C18orf32: variants seen among roughly 807,000 people sequenced by gnomAD.
C18orf32 encodes the protein UPF0729 protein C18orf32.
A neutral mutation model predicts 7.4 loss-of-function variants in C18orf32; 5 were observed. The observed-to-expected ratio is 0.68, with a 90% confidence interval of 0.35 to 1.42. The LOEUF (loss-of-function observed/expected upper bound fraction) is 1.42. Among genes scored for constraint, C18orf32 ranks in the 40% most tolerant of loss-of-function variants. C18orf32 has a pLI of 0.04. For missense variants in C18orf32, 88 were observed against 92.4 expected (o/e 0.95, Z 0.19); for synonymous variants, 30 against 29.3 (o/e 1.02, Z -0.08).
chr18:49,485,655 A>G (rs982199702), intron 1 of C18orf32, among the ~76,000 whole-genome samples: 1 of 151,414 alleles, frequency 6.6e-6, no homozygotes, highest in Non-Finnish European at 1.5e-5. Flanking sequence ...TGCTCAGGCT[A>G]AAGTGCAGTG....
intron 1 of C18orf32, among the ~76,000 whole-genome samples, chr18:49,484,201 C>CACAT (rs56983810): frequency 1.7e-5 from 2 of 117,836 alleles, no homozygotes; most frequent in African/African-American, 6.8e-5. Context: ...CACACACACA[C>CACAT]GAAAGGACTA....
At chr18:49,484,136 G>GAAAAAAA (rs61290557) in intron 1 of C18orf32, among the ~76,000 whole-genome samples, 1 of 45,588 alleles carries the variant, frequency 2.2e-5, no homozygotes, top group South Asian at 1.1e-3. Context: ...CTCAAAAAAA[G>GAAAAAAA]AAAAAAAAAA....
chr18:49,484,165 TATACACAC>T (rs1377448206), intron 1 of C18orf32, among the ~76,000 whole-genome samples: 28 of 88,078 alleles, frequency 3.2e-4, no homozygotes, highest in South Asian at 1.7e-3. Flanking sequence ...TATATATATA[TATACACAC>T]ACACACACAC....
In C18orf32 at chr18:49,480,727, T is replaced by A. The variant is rs2083653624; in HGVS notation, c.*1618A>T. The A allele has an allele frequency of 1.3e-5, 2 of 152,260 alleles. No homozygotes were observed. The highest frequency in any genetic ancestry group is 4.8e-5 in the African/African-American group (2 of 41,472). The allele number at this position is 152,260 out of a possible 1,614,324, so 9.4% of individuals were successfully genotyped here. A position where few individuals can be genotyped will look rare whatever the true frequency, so the allele number is the denominator to read the frequency against. On this transcript the variant is annotated 3_prime_UTR_variant, in exon 3 of 3. Coordinates refer to ENST00000318240, the MANE Select transcript of C18orf32 (RefSeq NM_001035005.4). ...TCGAGGCCATAGAGAGCCGTGATCA[T>A]GCTGCTGCACTCCAGCTTGAGTGAC...
chr18:49,481,250 G>A lies in C18orf32; in HGVS notation c.*1095C>T, dbSNP rs1387712906. On this transcript the variant is annotated 3_prime_UTR_variant, in exon 3 of 3. Coordinates refer to ENST00000318240, the MANE Select transcript of C18orf32 (RefSeq NM_001035005.4). ...TTGACCAGCCACAGAACTTAATAGA[G>A]CCTGAGTTAGGACCCAGACTTCATT... 7.9e-6 allele frequency: 1 copy of A among 126,144 alleles called. No individual in the cohort carries two copies. Among genetic ancestry groups the A allele is most frequent in the East Asian group, 2.4e-4 (1 of 4,110 alleles). The allele number at this position is 126,144 out of a possible 1,614,324, so 7.8% of individuals were successfully genotyped here.
At position 49,483,625 on chromosome 18, in the gene C18orf32, G is replaced by C; in HGVS notation, c.124C>G (p.Gln42Glu). 1 of 1,609,636 alleles carries C rather than the reference G, an allele frequency of 6.2e-7. No homozygotes were observed. Among genetic ancestry groups the C allele is most frequent in the Non-Finnish European group, 8.5e-7 (1 of 1,179,080 alleles). The part of the protein sequence containing the change: ...VSRIWPKKAI[Q>E]ESNDTNKGKV... ...CCTTTGTTTGTATCATTGGATTCTT[G>C]TATTGCTTTCTTAGGCCATATACGA... Residue 42 changes from glutamine to glutamate, a missense_variant, in exon 2 of 3, where the codon CAA becomes GAA. By Grantham distance (29) the Gln-to-Glu change is conservative (BLOSUM62 2). Coordinates refer to ENST00000318240, the MANE Select transcript of C18orf32 (RefSeq NM_001035005.4).
At position 49,479,457 on chromosome 18, in the gene C18orf32, A is replaced by T. The variant is rs2083643149; in HGVS notation, c.*2888T>A. The T allele has an allele frequency of 1.3e-5, 2 of 152,398 alleles. No homozygotes were observed. The highest frequency in any genetic ancestry group is 4.1e-4 in the South Asian group (2 of 4,832). The allele number at this position is 152,398 out of a possible 1,614,324, so 9.4% of individuals were successfully genotyped here. On this transcript the variant is annotated 3_prime_UTR_variant, in exon 3 of 3. Coordinates refer to ENST00000318240, the MANE Select transcript of C18orf32 (RefSeq NM_001035005.4). The stretch of plus-strand genomic sequence containing the variant: ...AAAAGGGACGCAATCACAGTGCATT[A>T]ACCTGTGCAGTGAGCAATAGTATTC...
At position 49,481,216 on chromosome 18, in the gene C18orf32, A is replaced by C. The variant is rs1484351032; in HGVS notation, c.*1129T>G. On this transcript the variant is annotated 3_prime_UTR_variant, in exon 3 of 3. Coordinates refer to ENST00000318240, the MANE Select transcript of C18orf32 (RefSeq NM_001035005.4). ...TTATATCAAATAAAGCCCAAGGTAAATCAGTGACTTGACCAGCCACAGAAC... is the reference window on the plus strand; with the variant it reads ...TTATATCAAATAAAGCCCAAGGTAACTCAGTGACTTGACCAGCCACAGAAC... 2 of 150,950 alleles carry C rather than the reference A, an allele frequency of 1.3e-5. No individual in the cohort carries two copies. Among genetic ancestry groups the C allele is most frequent in the African/African-American group, 4.9e-5 (2 of 40,840 alleles). 9.4% of individuals were successfully genotyped at this position (150,950 alleles called of 1,614,324 possible).
chr18:49,486,068 C>T (rs930500525), intron 1 of C18orf32: 3 of 141,112 alleles, frequency 2.1e-5, no homozygotes, highest in African/African-American at 8.1e-5. Flanking sequence ...GCCACAGAGG[C>T]AGACCCTGTC....
chr18:49,483,153 C>G (rs2083685309), intron 2 of C18orf32, among the ~76,000 whole-genome samples: 1 of 152,106 alleles, frequency 6.6e-6, no homozygotes, highest in African/African-American at 2.4e-5. Flanking sequence ...CATTTTGCTT[C>G]CAGAAACGGG....
chr18:49,483,539 C>T (rs749418926), intron 2 of C18orf32, 45 bp downstream of exon 2: 4 of 1,522,014 alleles, frequency 2.6e-6, no homozygotes, highest in Non-Finnish European at 3.5e-6. Context: ...ACCCAAGTAC[C>T]ACCCCCTTTC....
chr18:49,486,406 C>G (rs1010932350), intron 1 of C18orf32: 3 of 152,102 alleles, frequency 2.0e-5, no homozygotes. Context: ...CATAAACTCT[C>G]GAGGACAAAT....
chr18:49,478,436 G>C lies in C18orf32; in HGVS notation c.*3909C>G, dbSNP rs1181535133. 6.7e-6 allele frequency: 1 copy of C among 149,962 alleles called. No individual in the cohort carries two copies. Among genetic ancestry groups the C allele is most frequent in the African/African-American group, 2.5e-5 (1 of 39,356 alleles). 9.3% of individuals were successfully genotyped at this position (149,962 alleles called of 1,614,324 possible). A position where few individuals can be genotyped will look rare whatever the true frequency, so the allele number is the denominator to read the frequency against. On this transcript the variant is annotated 3_prime_UTR_variant, in exon 3 of 3. Coordinates refer to ENST00000318240, the MANE Select transcript of C18orf32 (RefSeq NM_001035005.4). ...GTACCACTATGCCCGACTAATTTTT[G>C]TATTTTTAGTAGAGACAGGGTTTCA...
In C18orf32 at chr18:49,477,881, A is replaced by ACTATATAT. The variant is rs1369054614; in HGVS notation, c.*4456_*4463dup. On this transcript the variant is annotated 3_prime_UTR_variant, in exon 3 of 3. Coordinates refer to ENST00000318240, the MANE Select transcript of C18orf32 (RefSeq NM_001035005.4). The stretch of plus-strand genomic sequence containing the variant: ...ATATATATACACACTATATATATAC[A>ACTATATAT]CTATATATATATACACTATATGTAT... 7.2e-6 allele frequency: 1 copy of ACTATATAT among 138,480 alleles called. No homozygotes were observed. The highest frequency in any genetic ancestry group is 1.5e-5 in the Non-Finnish European group (1 of 66,232). The allele number at this position is 138,480 out of a possible 1,614,324, so 8.6% of individuals were successfully genotyped here.
intron 1 of C18orf32, among the ~76,000 whole-genome samples, chr18:49,484,155 T>A (rs1185453495): frequency 0.075 from 2,680 of 35,526 alleles, 85 homozygotes; most frequent in South Asian, 0.13. Flanking sequence ...AAAATATATA[T>A]ATATATATAT....
chr18:49,484,167 TACACACAC>T (rs72071720), intron 1 of C18orf32, among the ~76,000 whole-genome samples: 965 of 93,834 alleles, frequency 0.01, 11 homozygotes, highest in Middle Eastern at 0.028. Context: ...TATATATATA[TACACACAC>T]ACACACACAC....
Position 49,482,439 on chromosome 18 carries a change from T to A in C18orf32, c.166-29A>T, listed in dbSNP as rs376613108. On this transcript the variant is annotated intron_variant, in intron 2 of 2. Coordinates refer to ENST00000318240, the MANE Select transcript of C18orf32 (RefSeq NM_001035005.4). Reference sequence around the variant, plus strand: ...AAATGAAAAAACATTTTAGAAATTATCATAACAAGCCGGGTGCGGTGGCTT... The same window carrying A: ...AAATGAAAAAACATTTTAGAAATTAACATAACAAGCCGGGTGCGGTGGCTT... 1,386 of 1,562,824 alleles carry A rather than the reference T, an allele frequency of 8.9e-4. 28 individuals carry two copies. In the South Asian group the frequency reaches 0.015, roughly 16 times the overall value.
rs1246534188 is a variant in C18orf32, at chr18:49,480,999, G to A, written c.*1346C>T. On this transcript the variant is annotated 3_prime_UTR_variant, in exon 3 of 3. Transcript: ENST00000318240. ...AACAATTGGTTACCTCTGTGGAGCT[G>A]GAATAAGGGAATGAGAGTTGAGAAA... 9 of 152,060 alleles carry A rather than the reference G, an allele frequency of 5.9e-5. No individual in the cohort carries two copies. The allele number at this position is 152,060 out of a possible 1,614,324, so 9.4% of individuals were successfully genotyped here.
At position 49,479,700 on chromosome 18, in the gene C18orf32, A is replaced by C. The variant is rs1428238312; in HGVS notation, c.*2645T>G. On this transcript the variant is annotated 3_prime_UTR_variant, in exon 3 of 3. Coordinates refer to ENST00000318240, the MANE Select transcript of C18orf32 (RefSeq NM_001035005.4). ...CAGTTGGCCTGAGGTGACCTTGCAG[A>C]GAGAGGGCCAAGGGAATAAACACTC... 1 of 152,300 alleles carries C rather than the reference A, an allele frequency of 6.6e-6. No homozygotes were observed. The highest frequency in any genetic ancestry group is 1.5e-5 in the Non-Finnish European group (1 of 68,116). The allele number at this position is 152,300 out of a possible 1,614,324, so 9.4% of individuals were successfully genotyped here. A position where few individuals can be genotyped will look rare whatever the true frequency, so the allele number is the denominator to read the frequency against.
Sources: allele counts gnomAD v4.1 joint callset (sites outside exome capture counted in the v4.1 genomes callset), GRCh38; gene constraint gnomAD v4.1.1; transcripts MANE v1.5; gene names NCBI Gene and HGNC (gene_info 2026-07-23, HGNC 2026-07-21).